Variants in MCF2 observed in about 807,000 individuals in gnomAD.
The protein encoded by MCF2 is MCF.2 cell line derived transforming sequence.
MCF2 carries 44 observed loss-of-function variants against 82.5 expected under a neutral mutation model. The ratio of observed to expected loss-of-function variants is 0.53; its 90% CI spans 0.42 to 0.69. MCF2 has a LOEUF of 0.69. MCF2 is among the 30% of genes least tolerant of loss of function. The probability of loss-of-function intolerance (pLI) is 0.00; values close to 1 mark genes in which losing one functional copy is unlikely to be tolerated. For missense variants in MCF2, 623 were observed against 663.1 expected (o/e 0.94, Z 0.66); for synonymous variants, 217 against 224.9 (o/e 0.96, Z 0.32).
intron 16 of MCF2, among the ~76,000 whole-genome samples, chrX:139,601,155 A>G (rs777796229): frequency 9.0e-6 from 1 of 111,541 alleles, no homozygotes; most frequent in South Asian, 3.7e-4. Flanking sequence ...GGACCAGTCC[A>G]GGATATCCAA....
In MCF2 at chrX:139,606,419, G is replaced by T. The variant is rs1471534573; in HGVS notation, c.1491-640C>A. 2.7e-5 allele frequency among the ~76,000 whole-genome samples: 3 copies of T among 110,626 alleles called. No homozygotes were observed. In the Admixed American group the frequency reaches 2.9e-4, roughly 11 times the overall value. On this transcript the variant is annotated intron_variant, in intron 12 of 24. Transcript: ENST00000370576. ...GTCACCCAGGCTTGAGTGCAGTGGG[G>T]TAATCTCGGCTTACTGCAACCTCCA...
chrX:139,693,369 G>T (rs1935316365), intron 1 of MCF2, among the ~76,000 whole-genome samples: 1 of 110,552 alleles, frequency 9.0e-6, no homozygotes. Flanking sequence ...CAGGAGAGTG[G>T]ATTAATATTA....
At chrX:139,596,898 A>G in intron 18 of MCF2, 128 bp from the exon 23 acceptor site, 1 of 484,844 alleles carries the variant, frequency 2.1e-6, no homozygotes, top group East Asian at 3.6e-5. Flanking sequence ...TTAAAAACTT[A>G]ACTTTGTATG....
At chrX:139,671,243 T>C (rs1934681011) in intron 1 of MCF2, among the ~76,000 whole-genome samples, 1 of 111,966 alleles carries the variant, frequency 8.9e-6, no homozygotes, top group Non-Finnish European at 1.9e-5. Context: ...ATTGCAAAAA[T>C]TTTCTCCCAT....
chrX:139,608,301 G>A (rs190713152), intron 11 of MCF2, among the ~76,000 whole-genome samples: 1 of 109,883 alleles, frequency 9.1e-6, no homozygotes, highest in Admixed American at 9.7e-5. Flanking sequence ...ATCTAATGAT[G>A]TGCTGCAGGG....
At chrX:139,633,259 C>T (rs1933014348) in intron 1 of MCF2, among the ~76,000 whole-genome samples, 1 of 111,523 alleles carries the variant, frequency 9.0e-6, no homozygotes, top group Non-Finnish European at 1.9e-5. Context: ...AACTGCTACA[C>T]TAAAGAATTC....
At chrX:139,605,608 C>G (rs1435710431) in intron 13 of MCF2, 105 bp downstream of exon 17, 1 of 650,965 alleles carries the variant, frequency 1.5e-6, no homozygotes, top group African/African-American at 2.2e-5. Context: ...ATATGACAAC[C>G]AAGGAAGGAG....
In MCF2 at chrX:139,605,693, A is replaced by G; in HGVS notation, c.1557+20T>C. The G allele has an allele frequency of 8.5e-7, 1 of 1,182,484 alleles. No individual in the cohort carries two copies. Among genetic ancestry groups the G allele is most frequent in the Non-Finnish European group, 1.1e-6 (1 of 875,415 alleles). On this transcript the variant is annotated intron_variant, in intron 13 of 24. Transcript: ENST00000370576. The stretch of plus-strand genomic sequence containing the variant: ...GATCATTCGGGAAAAGATAGGGCAA[A>G]TACAATTTGAGTCGCTTACCAACAA...
intron 1 of MCF2, among the ~76,000 whole-genome samples, chrX:139,691,200 A>G (rs1290199637): frequency 9.0e-6 from 1 of 111,257 alleles, no homozygotes; most frequent in East Asian, 2.8e-4. Flanking sequence ...CTCATGGACC[A>G]AGATGAAAAG....
intron 23 of MCF2, among the ~76,000 whole-genome samples, chrX:139,585,542 A>G (rs1050191895): frequency 8.9e-6 from 1 of 111,753 alleles, no homozygotes; most frequent in Non-Finnish European, 1.9e-5. Flanking sequence ...CAACCAGTAG[A>G]GAACTCTTCC....
chrX:139,608,218 A>G (rs745987179), intron 11 of MCF2, among the ~76,000 whole-genome samples: 2 of 108,937 alleles, frequency 1.8e-5, no homozygotes, highest in East Asian at 5.8e-4. Context: ...TTTTTTTTCT[A>G]AGATCTGGGG....
chrX:139,636,617 G>A (rs959981512), intron 1 of MCF2, among the ~76,000 whole-genome samples: 5 of 111,340 alleles, frequency 4.5e-5, no homozygotes, highest in African/African-American at 1.6e-4. Flanking sequence ...TCTGCCTGAG[G>A]TAAGGCCCTG....
chrX:139,665,541 T>C (rs961384183), intron 1 of MCF2, among the ~76,000 whole-genome samples: 1 of 111,340 alleles, frequency 9.0e-6, no homozygotes, highest in Non-Finnish European at 1.9e-5. Flanking sequence ...ATGTGGCTAC[T>C]GCAGGGTAGT....
At chrX:139,594,772 C>G (rs1488843593) in intron 19 of MCF2, among the ~76,000 whole-genome samples, 1 of 109,665 alleles carries the variant, frequency 9.1e-6, no homozygotes, top group Non-Finnish European at 1.9e-5. Context: ...AAGAAACTAC[C>G]ATCAGAGTGA....
exon 4 of MCF2, chrX:139,629,824 G>A (rs1932863828): frequency 8.3e-7 from 1 of 1,206,494 alleles, no homozygotes; most frequent in Non-Finnish European, 1.1e-6. Flanking sequence ...CTTTCACTGT[G>A]AGGGCAAAAT....
chrX:139,603,928 A>T (rs1930767368), intron 15 of MCF2, among the ~76,000 whole-genome samples: 1 of 112,597 alleles, frequency 8.9e-6, no homozygotes, highest in Admixed American at 9.4e-5. Flanking sequence ...TTCTCATTTC[A>T]TAAACACTTT....
At chrX:139,638,863 C>G (rs1217242253) in intron 1 of MCF2, among the ~76,000 whole-genome samples, 1 of 111,278 alleles carries the variant, frequency 9.0e-6, no homozygotes. Context: ...CAATTTTAAC[C>G]TGACAAGCCA....
rs146956511 is a variant in MCF2, at chrX:139,707,615, T to C, written c.-45+491A>G. ...GCTGTCCAAATTTATAAGCCAACCA[T>C]ATGCAAGTTCACAAGGCAATTTCTC... On this transcript the variant is annotated intron_variant, in intron 1 of 27. Transcript: ENST00000414978. Among the ~76,000 whole-genome samples the C allele has an allele frequency of 9.8e-5, 11 of 111,915 alleles. No homozygotes were observed. In the East Asian group the frequency reaches 2.2e-3, roughly 23 times the overall value.
chrX:139,629,490 G>A (rs1242381384), intron 4 of MCF2, among the ~76,000 whole-genome samples: 1 of 111,735 alleles, frequency 8.9e-6, no homozygotes, highest in Non-Finnish European at 1.9e-5. Flanking sequence ...TCAAATTAAT[G>A]CACCATTTAC....
Sources: gnomAD v4.1 joint callset for allele counts (sites outside exome capture counted in the v4.1 genomes callset) on GRCh38, gnomAD v4.1.1 for gene constraint, MANE v1.5 for transcripts, NCBI Gene and HGNC (gene_info 2026-07-23, HGNC 2026-07-21) for gene names.